The following MEMO1 variants were observed in gnomAD, a reference collection of about 807,000 sequenced individuals.
MEMO1 encodes the protein protein MEMO1.
Under a neutral mutation model 45.2 loss-of-function variants are expected in MEMO1, and 6 were observed. The observed-to-expected ratio is 0.13, with a 90% confidence interval of 0.07 to 0.26. The LOEUF (loss-of-function observed/expected upper bound fraction) is 0.26, where lower values mean the gene tolerates loss of function less well. Among genes scored for constraint, MEMO1 ranks in the 10% least tolerant of loss-of-function variants. MEMO1 has a pLI of 1.00. For synonymous variants in MEMO1, 78 were observed against 124.3 expected, an observed-to-expected ratio of 0.63 and a Z score of 2.48; for missense variants, 184 against 370.5, an observed-to-expected ratio of 0.50 and a Z score of 4.13.
intron 2 of MEMO1, among the ~76,000 whole-genome samples, chr2:31,978,118 G>A (rs1443655277): frequency 6.6e-6 from 1 of 152,124 alleles, no homozygotes; most frequent in Non-Finnish European, 1.5e-5. Context: ...CAGGCACGGT[G>A]GCTCACACCT....
chr2:31,878,963 G>A (rs1030051345), intron 8 of MEMO1, among the ~76,000 whole-genome samples: 2 of 152,138 alleles, frequency 1.3e-5, no homozygotes, highest in South Asian at 2.1e-4. Context: ...ATAATCTTAA[G>A]TCAAATCTCT....
chr2:32,007,336 T>C (rs1298242365), intron 2 of MEMO1, among the ~76,000 whole-genome samples: 1 of 152,196 alleles, frequency 6.6e-6, no homozygotes, highest in Non-Finnish European at 1.5e-5. Context: ...AAAATGATTC[T>C]ACCCTCCTCA....
At chr2:31,873,100 G>T (rs1037392747) in intron 8 of MEMO1, among the ~76,000 whole-genome samples, 2 of 152,184 alleles carry the variant, frequency 1.3e-5, no homozygotes, top group Non-Finnish European at 2.9e-5. Context: ...CAATTAGGCT[G>T]AATTAACTGT....
intron 7 of MEMO1, among the ~76,000 whole-genome samples, chr2:31,886,667 C>T (rs953295966): frequency 6.6e-6 from 1 of 152,096 alleles, no homozygotes; most frequent in African/African-American, 2.4e-5. Context: ...TTCTGACATT[C>T]AGTAAAGGTT....
rs145881131 is a variant in MEMO1, at chr2:31,938,005, T to C, written c.143+5297A>G. Among the ~76,000 whole-genome samples, 955 of 152,288 alleles carry C rather than the reference T, an allele frequency of 6.3e-3. 5 individuals carry two copies. Among genetic ancestry groups the C allele is most frequent in the Middle Eastern group, 0.02 (6 of 294 alleles). On this transcript the variant is annotated intron_variant, in intron 3 of 9. Coordinates refer to ENST00000404530, the MANE Select transcript of MEMO1 (RefSeq NM_001301833.4). ...TTTAGCTCATGAGATCATTTCAATA[T>C]ATATCTCTGCGACACATACTGTCTC...
At chr2:31,986,770 CAG>C (rs1388109145) in intron 2 of MEMO1, among the ~76,000 whole-genome samples, 1 of 152,016 alleles carries the variant, frequency 6.6e-6, no homozygotes, top group Non-Finnish European at 1.5e-5. Context: ...AAGAAACAAA[CAG>C]AAATATTTAC....
intron 8 of MEMO1, among the ~76,000 whole-genome samples, chr2:31,877,212 G>A (rs1414519217): frequency 1.3e-5 from 2 of 152,228 alleles, no homozygotes; most frequent in East Asian, 3.8e-4. Flanking sequence ...GTAATCCAGT[G>A]AGGGAGATAA....
chr2:31,958,782 G>T (rs1326738344), intron 2 of MEMO1, among the ~76,000 whole-genome samples: 1 of 152,160 alleles, frequency 6.6e-6, no homozygotes, highest in Non-Finnish European at 1.5e-5. Flanking sequence ...CTCCTGAGTA[G>T]CTGGGACCAC....
intron 6 of MEMO1, among the ~76,000 whole-genome samples, chr2:31,902,444 A>G (rs1679003511): frequency 6.6e-6 from 1 of 152,160 alleles, no homozygotes; most frequent in African/African-American, 2.4e-5. Context: ...AGTGAATTTT[A>G]GTGTATAAAT....
At chr2:31,874,567 T>A (rs980974446) in intron 8 of MEMO1, among the ~76,000 whole-genome samples, 28 of 152,090 alleles carry the variant, frequency 1.8e-4, no homozygotes, top group African/African-American at 6.8e-4. Context: ...GTAATAACTA[T>A]ATTTAGTAAT....
intron 6 of MEMO1, among the ~76,000 whole-genome samples, chr2:31,907,338 C>A (rs567761017): frequency 1.3e-5 from 2 of 152,068 alleles, no homozygotes; most frequent in African/African-American, 4.8e-5. Flanking sequence ...GATGAGAAAA[C>A]AAATAGGGTG....
At chr2:31,880,185 A>C (rs1286083939) in intron 8 of MEMO1, among the ~76,000 whole-genome samples, 3 of 152,224 alleles carry the variant, frequency 2.0e-5, no homozygotes, top group Admixed American at 6.5e-5. Context: ...TTGCTTTGAC[A>C]ATCATTAATC....
At chr2:31,970,317 C>T (rs2148456724) in intron 2 of MEMO1, among the ~76,000 whole-genome samples, 1 of 152,260 alleles carries the variant, frequency 6.6e-6, no homozygotes, top group East Asian at 1.9e-4. Flanking sequence ...GACAATTCTG[C>T]CCCTGTGATC....
intron 2 of MEMO1, among the ~76,000 whole-genome samples, chr2:31,969,610 T>G (rs916546470): frequency 1.3e-5 from 2 of 150,344 alleles, no homozygotes; most frequent in African/African-American, 4.9e-5. Context: ...TGTGTGTGTG[T>G]GTGTGTGTGT....
intron 7 of MEMO1, among the ~76,000 whole-genome samples, chr2:31,891,106 A>C (rs1299948007): frequency 6.6e-6 from 1 of 152,136 alleles, no homozygotes; most frequent in Non-Finnish European, 1.5e-5. Flanking sequence ...CCTATATTTC[A>C]CTAAGGATGT....
intron 2 of MEMO1, among the ~76,000 whole-genome samples, chr2:32,003,209 A>T (rs1158982704): frequency 6.6e-6 from 1 of 152,194 alleles, no homozygotes; most frequent in East Asian, 1.9e-4. Context: ...TTTTCCAGCT[A>T]TAGAACCCTG....
In MEMO1 at chr2:31,869,894, T is replaced by C; in HGVS notation, c.716A>G (p.Tyr239Cys). 6.3e-7 allele frequency: 1 copy of C among 1,590,268 alleles called. No individual in the cohort carries two copies. Among genetic ancestry groups the C allele is most frequent in the Non-Finnish European group, 8.5e-7 (1 of 1,171,608 alleles). Reference protein sequence around the residue: ...PVSFSNYLKKYHNTICGRHPI... With the variant: ...PVSFSNYLKKCHNTICGRHPI... ...ATGTCTTCCACATATAGTATTATGG[T>C]ATTTCTTCAAGTAATTGCTAAAAGA... The change falls in exon 9 of 10, where the codon TAC becomes TGC. Residue 239 changes from tyrosine to cysteine, a missense_variant. By Grantham distance (194) the Tyr-to-Cys change is radical (BLOSUM62 -2). Coordinates refer to ENST00000404530, the MANE Select transcript of MEMO1 (RefSeq NM_001301833.4).
chr2:32,000,345 C>T (rs898033557), intron 2 of MEMO1, among the ~76,000 whole-genome samples: 25 of 152,138 alleles, frequency 1.6e-4, no homozygotes, highest in African/African-American at 5.5e-4. Context: ...CTCTTCTCGC[C>T]GCAGCCTCCC....
intron 6 of MEMO1, chr2:31,893,426 C>T (rs1228311410): frequency 2.1e-6 from 2 of 968,968 alleles, no homozygotes; most frequent in African/African-American, 3.5e-5. Context: ...TGAATAGGGG[C>T]TCTTCAATTA....
Sources: allele counts gnomAD v4.1 joint callset (sites outside exome capture counted in the v4.1 genomes callset), GRCh38; gene constraint gnomAD v4.1.1; transcripts MANE v1.5; gene names NCBI Gene and HGNC (gene_info 2026-07-23, HGNC 2026-07-21).